Variants in PLEKHG1 observed in about 807,000 individuals in gnomAD.
PLEKHG1 encodes the protein pleckstrin homology and RhoGEF domain containing G1.
Under a neutral mutation model 100.8 loss-of-function variants are expected in PLEKHG1, and 44 were observed. That is an observed-to-expected ratio of 0.44 (90% confidence interval 0.34 to 0.56). The LOEUF (loss-of-function observed/expected upper bound fraction) is 0.56, where lower values mean the gene tolerates loss of function less well. Among genes scored for constraint, PLEKHG1 ranks in the 20% least tolerant of loss-of-function variants. PLEKHG1 has a pLI of 0.01. For missense variants in PLEKHG1, 1,545 were observed against 1,720.9 expected, an observed-to-expected ratio of 0.90 and a Z score of 1.81; for synonymous variants, 640 against 662.5, an observed-to-expected ratio of 0.97 and a Z score of 0.52.
chr6:150,675,868 A>C (rs749633693), intron 3 of PLEKHG1, among the ~76,000 whole-genome samples: 1 of 152,276 alleles, frequency 6.6e-6, no homozygotes, highest in Non-Finnish European at 1.5e-5. Flanking sequence ...AGCAAAAAAG[A>C]AACTGTATAA....
At chr6:150,614,503 T>G (rs1422489465) in intron 1 of PLEKHG1, among the ~76,000 whole-genome samples, 4 of 133,042 alleles carry the variant, frequency 3.0e-5, no homozygotes, top group African/African-American at 1.0e-4. Context: ...TTATGGACAG[T>G]GGTGGTCTTT....
Position 150,703,069 on chromosome 6 carries a change from G to T in PLEKHG1, c.-98-30515G>T, listed in dbSNP as rs948334560. On this transcript the variant is annotated intron_variant, in intron 3 of 3. Coordinates refer to the PLEKHG1 transcript ENST00000367326. ...CTCCCTTTATCTGCCTAGGCCTTTAGATGAAAAAATGGCCAAGGTACTTGG... is the reference window on the plus strand; with the variant it reads ...CTCCCTTTATCTGCCTAGGCCTTTATATGAAAAAATGGCCAAGGTACTTGG... Among the ~76,000 whole-genome samples the T allele has an allele frequency of 9.2e-5, 14 of 152,140 alleles. No homozygotes were observed. In the East Asian group the frequency reaches 2.7e-3, roughly 29 times the overall value.
chr6:150,667,089 GGTGTGTGTGTGTTT>G (rs1445159924), intron 3 of PLEKHG1, among the ~76,000 whole-genome samples: 5 of 151,702 alleles, frequency 3.3e-5, no homozygotes, highest in African/African-American at 7.3e-5. Context: ...TCCAAAAGGG[GGTGTGTGTGTGTTT>G]GTGTGTGTGT....
intron 2 of PLEKHG1, among the ~76,000 whole-genome samples, chr6:150,750,225 G>A (rs1783426882): frequency 6.6e-6 from 1 of 152,112 alleles, no homozygotes; most frequent in South Asian, 2.1e-4. Context: ...GGTTTAGAGG[G>A]GCTATTACTT....
At chr6:150,761,193 C>T (rs1007878079) in intron 2 of PLEKHG1, among the ~76,000 whole-genome samples, 4 of 150,576 alleles carry the variant, frequency 2.7e-5, no homozygotes, top group Non-Finnish European at 4.4e-5. Context: ...GCAACCTCCA[C>T]CTCCTGGGTT....
chr6:150,839,976 A>T, exon 16 of PLEKHG1: 1 of 1,613,960 alleles, frequency 6.2e-7, no homozygotes, highest in Non-Finnish European at 8.5e-7. Context: ...CCACCATGGT[A>T]GTGGAGACTG....
At position 150,733,450 on chromosome 6, in the gene PLEKHG1, A is replaced by C; in HGVS notation, c.-98-134A>C. 12 of 676,594 alleles carry C rather than the reference A, an allele frequency of 1.8e-5. No individual in the cohort carries two copies. The South Asian group carries it at 2.4e-4, about 13-fold the overall frequency. 41.9% of individuals were successfully genotyped at this position (676,594 alleles called of 1,614,324 possible). On this transcript the variant is annotated intron_variant, in intron 1 of 15. Transcript: ENST00000358517. ...TTTTGCATCTCACTCCACCACAGGT[A>C]CCTTTGCATCCCTTCTGTAATTGGC...
At chr6:150,653,307 AT>A (rs1305741477) in intron 3 of PLEKHG1, among the ~76,000 whole-genome samples, 2 of 151,974 alleles carry the variant, frequency 1.3e-5, no homozygotes, top group Non-Finnish European at 2.9e-5. Context: ...AAAATTTAAT[AT>A]TTTTTCCTGG....
At chr6:150,719,385 T>C (rs952471832), upstream of PLEKHG1, among the ~76,000 whole-genome samples, 3 of 152,226 alleles carry the variant, frequency 2.0e-5, no homozygotes, top group Admixed American at 6.5e-5. Context: ...GATGAGTCAT[T>C]AGGAAGCCTA....
intron 3 of PLEKHG1, among the ~76,000 whole-genome samples, chr6:150,770,248 G>A (rs1784657531): frequency 6.6e-6 from 1 of 152,124 alleles, no homozygotes; most frequent in Admixed American, 6.5e-5. Context: ...TACTAAAATT[G>A]GTAAATGTGA....
chr6:150,743,259 C>T (rs1484424747), intron 2 of PLEKHG1, among the ~76,000 whole-genome samples: 2 of 152,178 alleles, frequency 1.3e-5, no homozygotes, highest in African/African-American at 4.8e-5. Context: ...GCGGCTCATG[C>T]CTGTAATCCC....
chr6:150,809,826 A>G, intron 10 of PLEKHG1, 92 bp downstream of exon 11: 1 of 870,706 alleles, frequency 1.1e-6, no homozygotes, highest in Non-Finnish European at 1.8e-6. Flanking sequence ...CCGAGATCAC[A>G]TCATTGAACT....
In PLEKHG1 at chr6:150,746,706, G is replaced by A. The variant is rs114236991; in HGVS notation, c.411+12614G>A. On this transcript the variant is annotated intron_variant, in intron 2 of 15. Transcript: ENST00000358517. Reference sequence around the variant, plus strand: ...TTGCATAAACTATAGCATTTGCTATGAATGTGAAACTCTTAGTATGCCAAG... The same window carrying A: ...TTGCATAAACTATAGCATTTGCTATAAATGTGAAACTCTTAGTATGCCAAG... 7.3e-3 allele frequency among the ~76,000 whole-genome samples: 1,112 copies of A among 152,332 alleles called. 13 individuals carry two copies. The highest frequency in any genetic ancestry group is 0.025 in the African/African-American group (1,056 of 41,568).
At chr6:150,742,779 A>G (rs1056918871) in intron 2 of PLEKHG1, among the ~76,000 whole-genome samples, 3 of 152,094 alleles carry the variant, frequency 2.0e-5, no homozygotes, top group Admixed American at 6.5e-5. Flanking sequence ...CAGATCTCCA[A>G]ATCTAGTGAC....
intron 3 of PLEKHG1, among the ~76,000 whole-genome samples, chr6:150,781,568 T>C (rs1429438334): frequency 6.6e-6 from 1 of 151,946 alleles, no homozygotes; most frequent in Non-Finnish European, 1.5e-5. Flanking sequence ...AGCATGTTTA[T>C]GTAAAATTAA....
chr6:150,640,358 A>G (rs1191226738), intron 2 of PLEKHG1, among the ~76,000 whole-genome samples: 1 of 152,210 alleles, frequency 6.6e-6, no homozygotes, highest in African/African-American at 2.4e-5. Flanking sequence ...TCACTTGAGA[A>G]CACACAGGGC....
At chr6:150,823,918 C>A (rs1273549291) in intron 14 of PLEKHG1, among the ~76,000 whole-genome samples, 2 of 152,210 alleles carry the variant, frequency 1.3e-5, no homozygotes, top group Admixed American at 1.3e-4. Context: ...TTTATTCATC[C>A]TCTGCCCCAT....
intron 1 of PLEKHG1, among the ~76,000 whole-genome samples, chr6:150,724,558 C>CTTTTTTTTTTTTTTTTT (rs34140367): frequency 3.1e-4 from 31 of 100,470 alleles, no homozygotes; most frequent in African/African-American, 1.2e-3. Flanking sequence ...TTTTCTTTTT[C>CTTTTTTTTTTTTTTTTT]TTTTTTTTTT....
intron 3 of PLEKHG1, among the ~76,000 whole-genome samples, chr6:150,702,557 G>GGGGTGTGTGTGTGTGTGTGTGT (rs1554261632): frequency 7.0e-6 from 1 of 142,830 alleles, no homozygotes; most frequent in African/African-American, 2.7e-5. Flanking sequence ...TTTGTTTTGG[G>GGGGTGTGTGTGTGTGTGTGTGT]GTGTGTGTGT....
Sources: allele counts gnomAD v4.1 joint callset (sites outside exome capture counted in the v4.1 genomes callset), GRCh38; gene constraint gnomAD v4.1.1; transcripts MANE v1.5; gene names NCBI Gene and HGNC (gene_info 2026-07-23, HGNC 2026-07-21).